Variants in FAM13B observed in about 807,000 individuals in gnomAD.
The protein encoded by FAM13B is protein FAM13B.
Under a neutral mutation model 117.3 loss-of-function variants are expected in FAM13B, and 60 were observed. The ratio of observed to expected loss-of-function variants is 0.51; its 90% CI spans 0.42 to 0.63. The LOEUF (loss-of-function observed/expected upper bound fraction) is 0.63, where lower values mean the gene tolerates loss of function less well. Among genes scored for constraint, FAM13B ranks in the 30% least tolerant of loss-of-function variants. The pLI is 0.00. For synonymous variants in FAM13B, 332 were observed against 356.1 expected (o/e 0.93, Z 0.76); for missense variants, 972 against 1,091.9 (o/e 0.89, Z 1.55).
chr5:137,963,811 G>A (rs1256230368), intron 10 of FAM13B, among the ~76,000 whole-genome samples: 1 of 152,198 alleles, frequency 6.6e-6, no homozygotes, highest in East Asian at 1.9e-4. Context: ...ATTGTGAGCT[G>A]TGCAAACAAG....
intron 1 of FAM13B, among the ~76,000 whole-genome samples, chr5:138,030,959 G>A (rs1393533360): frequency 6.6e-6 from 1 of 151,696 alleles, no homozygotes; most frequent in African/African-American, 2.4e-5. Flanking sequence ...TTAGAACCTG[G>A]GAGGCAGAGG....
At chr5:137,952,191 T>G (rs1355238833) in intron 17 of FAM13B, among the ~76,000 whole-genome samples, 1 of 152,094 alleles carries the variant, frequency 6.6e-6, no homozygotes, top group East Asian at 1.9e-4. Context: ...CATTCAAGAG[T>G]TACAATTTAG....
chr5:138,003,206 C>G (rs1781715113), intron 7 of FAM13B, among the ~76,000 whole-genome samples: 1 of 151,974 alleles, frequency 6.6e-6, no homozygotes, highest in Non-Finnish European at 1.5e-5. Flanking sequence ...TTAATATGAG[C>G]ATCTTTAATA....
intron 10 of FAM13B, among the ~76,000 whole-genome samples, chr5:137,970,449 T>C (rs1390500218): frequency 6.7e-6 from 1 of 150,326 alleles, no homozygotes; most frequent in East Asian, 2.0e-4. Context: ...CTAAAAGAGC[T>C]CCTGAAGGAA....
chr5:138,025,520 T>C (rs939350696), intron 1 of FAM13B, among the ~76,000 whole-genome samples: 1 of 151,852 alleles, frequency 6.6e-6, no homozygotes, highest in African/African-American at 2.4e-5. Context: ...TTGGGTGACA[T>C]TCAAGAAAGT....
chr5:137,999,722 C>T (rs1044047093), intron 7 of FAM13B, among the ~76,000 whole-genome samples: 3 of 152,174 alleles, frequency 2.0e-5, no homozygotes, highest in African/African-American at 7.2e-5. Flanking sequence ...GTATTTCTCA[C>T]AGTTCTAGAG....
intron 6 of FAM13B, among the ~76,000 whole-genome samples, chr5:138,008,157 T>C (rs1252360263): frequency 6.6e-6 from 1 of 152,150 alleles, no homozygotes. Context: ...TAATACAGGT[T>C]GGGTATGGTC....
rs930160144 is a variant in FAM13B, at chr5:138,011,957, T to C, written c.371-12A>G. 5 of 1,546,046 alleles carry C rather than the reference T, an allele frequency of 3.2e-6. No individual in the cohort carries two copies. Among genetic ancestry groups the C allele is most frequent in the Non-Finnish European group, 4.4e-6 (5 of 1,147,366 alleles). On this transcript the variant is annotated splice_polypyrimidine_tract_variant and intron_variant, in intron 4 of 23. Coordinates refer to ENST00000689681, the MANE Select transcript of FAM13B (RefSeq NM_001385994.1). ...TTCATTATTATAATCTATAAAACAA[T>C]AATAACAGGTTTTTTTCAATAAAGG...
At chr5:137,974,612 TAATA>T (rs1415135462) in intron 10 of FAM13B, among the ~76,000 whole-genome samples, 2 of 94,574 alleles carry the variant, frequency 2.1e-5, no homozygotes, top group Admixed American at 2.4e-4. Context: ...AGTATAATAA[TAATA>T]AATAAAAAAA....
chr5:137,983,530 T>G (rs1776415736), intron 10 of FAM13B, among the ~76,000 whole-genome samples: 1 of 152,126 alleles, frequency 6.6e-6, no homozygotes, highest in African/African-American at 2.4e-5. Flanking sequence ...GGGTTTTTTC[T>G]GAACTTGGAA....
At chr5:137,984,408 G>A (rs2150560965) in intron 10 of FAM13B, among the ~76,000 whole-genome samples, 1 of 152,126 alleles carries the variant, frequency 6.6e-6, no homozygotes, top group African/African-American at 2.4e-5. Context: ...TGCTTTTCCT[G>A]GTCATCTCAT....
chr5:138,035,306 C>T (rs1475753059), upstream of FAM13B, among the ~76,000 whole-genome samples: 1 of 151,868 alleles, frequency 6.6e-6, no homozygotes, highest in Non-Finnish European at 1.5e-5. Flanking sequence ...CCACCGTGCC[C>T]GGCCTCCCTT....
At chr5:138,011,417 T>C (rs1015691735) in intron 5 of FAM13B, among the ~76,000 whole-genome samples, 1 of 151,908 alleles carries the variant, frequency 6.6e-6, no homozygotes, top group Non-Finnish European at 1.5e-5. Flanking sequence ...ACATATCTAA[T>C]TTTTCTTTTT....
chr5:137,987,678 CAT>C (rs1777578857), intron 8 of FAM13B, 62 bp from the exon 9 acceptor site: 1 of 1,501,116 alleles, frequency 6.7e-7, no homozygotes, highest in African/African-American at 1.4e-5. Context: ...GTGACACAGA[CAT>C]AAATGCTAAA....
intron 18 of FAM13B, among the ~76,000 whole-genome samples, chr5:137,948,180 CAAA>C (rs59680291): frequency 7.0e-6 from 1 of 142,652 alleles, no homozygotes. Context: ...AATGGCTCTT[CAAA>C]AAAAAAAAAA....
chr5:138,034,995 CTTTTTTTTTTTTTTTTTT>C (rs557807234), upstream of FAM13B, among the ~76,000 whole-genome samples: 227 of 34,394 alleles, frequency 6.6e-3, 3 homozygotes, highest in African/African-American at 0.025. Context: ...ATTCCCTTGC[CTTTTTTTTTTTTTTTTTT>C]TTTTTTTTTT....
chr5:137,942,542 T>G (rs777876013), intron 22 of FAM13B: 35 of 233,114 alleles, frequency 1.5e-4, no homozygotes, highest in Non-Finnish European at 2.7e-4. Flanking sequence ...AACAAAATTT[T>G]TATACAGTCT....
intron 3 of FAM13B, 119 bp downstream of exon 3, chr5:138,018,836 G>C (rs1051643232): frequency 1.8e-5 from 14 of 776,098 alleles, no homozygotes; most frequent in Non-Finnish European, 2.8e-5. Flanking sequence ...AGAATTTCTA[G>C]TTTTTCCTAT....
rs114891131 is a variant in FAM13B, at chr5:138,000,837, G to A, written c.848+6153C>T. Among the ~76,000 whole-genome samples the A allele has an allele frequency of 7.7e-3, 1,160 of 150,634 alleles. 11 individuals carry two copies. The highest frequency in any genetic ancestry group is 0.012 in the Non-Finnish European group (817 of 67,830). Reference sequence around the variant, plus strand: ...ACCCAGCTACTTGGGTGGCTGAGGCGCAATAATCCCTTAACTCTGAAAGCA... The same window carrying A: ...ACCCAGCTACTTGGGTGGCTGAGGCACAATAATCCCTTAACTCTGAAAGCA... On this transcript the variant is annotated intron_variant, in intron 7 of 23. Coordinates refer to ENST00000689681, the MANE Select transcript of FAM13B (RefSeq NM_001385994.1).
Sources: gnomAD v4.1 joint callset for allele counts (sites outside exome capture counted in the v4.1 genomes callset) on GRCh38, gnomAD v4.1.1 for gene constraint, MANE v1.5 for transcripts, NCBI Gene and HGNC (gene_info 2026-07-23, HGNC 2026-07-21) for gene names.